Variants in TXNL1 observed in about 807,000 individuals in gnomAD.
TXNL1 encodes the protein thioredoxin like 1.
TXNL1 carries 14 observed loss-of-function variants against 35.5 expected under a neutral mutation model. The observed-to-expected ratio is 0.39, with a 90% CI of 0.26 to 0.62. The LOEUF (loss-of-function observed/expected upper bound fraction) is 0.62, where lower values mean the gene tolerates loss of function less well. TXNL1 is among the 20% of genes least tolerant of loss of function. The pLI is 0.47. For synonymous variants in TXNL1, 110 were observed against 115.5 expected, an observed-to-expected ratio of 0.95 and a Z score of 0.31; for missense variants, 263 against 349.7, an observed-to-expected ratio of 0.75 and a Z score of 1.98.
At chr18:56,622,857 A>G (rs1355227219) in intron 3 of TXNL1, among the ~76,000 whole-genome samples, 1 of 152,218 alleles carries the variant, frequency 6.6e-6, no homozygotes, top group Non-Finnish European at 1.5e-5. Flanking sequence ...CATAAACGAT[A>G]TGTTGATACT....
At chr18:56,636,327 T>G (rs2024454620) in intron 1 of TXNL1, among the ~76,000 whole-genome samples, 1 of 152,186 alleles carries the variant, frequency 6.6e-6, no homozygotes, top group African/African-American at 2.4e-5. Flanking sequence ...AACTTTGATC[T>G]AAGAGGATTC....
At chr18:56,605,887 G>A (rs1401953745) in intron 7 of TXNL1, among the ~76,000 whole-genome samples, 3 of 152,174 alleles carry the variant, frequency 2.0e-5, no homozygotes, top group Non-Finnish European at 4.4e-5. Context: ...AGTGACATAA[G>A]AAGTCAGTGA....
chr18:56,612,723 C>G (rs1249000336), intron 6 of TXNL1, among the ~76,000 whole-genome samples: 2 of 152,038 alleles, frequency 1.3e-5, no homozygotes, highest in African/African-American at 4.8e-5. Flanking sequence ...TCTGAGATGC[C>G]ACTCATTCGT....
At position 56,600,617 on chromosome 18, in the gene TXNL1, C is replaced by A. The variant is rs2023799656; in HGVS notation, c.*2410G>T. 6.8e-6 allele frequency: 1 copy of A among 147,880 alleles called. No individual in the cohort carries two copies. The highest frequency in any genetic ancestry group is 1.5e-5 in the Non-Finnish European group (1 of 67,450). The allele number at this position is 147,880 out of a possible 1,614,324, so 9.2% of individuals were successfully genotyped here. ...GGGAACAACGTGGGGCAGGTTTCAA[C>A]TCTAATTGTTACGTGGCTGCCTCCA... On this transcript the variant is annotated 3_prime_UTR_variant, in exon 8 of 8. Transcript: ENST00000217515.
In TXNL1 at chr18:56,611,095, T is replaced by C. The variant is rs1331546471; in HGVS notation, c.738A>G (p.Ile246Met). ...CTTCACCTTGATTCGACTGAACAAATATCTACCAAAAAAAAGTTTGCATTT... is the reference window on the plus strand; with the variant it reads ...CTTCACCTTGATTCGACTGAACAAACATCTACCAAAAAAAAGTTTGCATTT... ...VKFQNVNSVTIFVQSNQGEEE... is the reference protein window; with the variant it reads ...VKFQNVNSVTMFVQSNQGEEE... The change falls in exon 7 of 8, where the codon ATA becomes ATG. Residue 246 changes from isoleucine (I) to methionine (M), a missense_variant and splice_region_variant. Ile to Met is a conservative substitution (Grantham distance 10). Coordinates refer to ENST00000217515, the MANE Select transcript of TXNL1 (RefSeq NM_004786.3). 6.3e-7 allele frequency: 1 copy of C among 1,592,614 alleles called. No individual in the cohort carries two copies. The highest frequency in any genetic ancestry group is 1.2e-5 in the South Asian group (1 of 86,250).
intron 1 of TXNL1, among the ~76,000 whole-genome samples, 161 bp from the exon 2 acceptor site, chr18:56,626,618 G>A (rs1256445166): frequency 1.3e-5 from 2 of 151,670 alleles, no homozygotes; most frequent in African/African-American, 2.4e-5. Flanking sequence ...GTCTCACTCT[G>A]TCGGCCAGAG....
Position 56,610,973 on chromosome 18 carries a change from T to C in TXNL1, c.840+20A>G, listed in dbSNP as rs772412231. The C allele has an allele frequency of 4.8e-6, 7 of 1,459,998 alleles. No homozygotes were observed. Among genetic ancestry groups the C allele is most frequent in the Non-Finnish European group, 6.6e-6 (7 of 1,061,580 alleles). 90.4% of individuals were successfully genotyped at this position (1,459,998 alleles called of 1,614,324 possible). A position where few individuals can be genotyped will look rare whatever the true frequency, so the allele number is the denominator to read the frequency against. On this transcript the variant is annotated intron_variant, in intron 7 of 7. Coordinates refer to ENST00000217515, the MANE Select transcript of TXNL1 (RefSeq NM_004786.3). ...AAATTATATTTTTACTATCCCGAAG[T>C]ATCATTTAAGCAAACTTACTCGTTT...
intron 6 of TXNL1, among the ~76,000 whole-genome samples, chr18:56,612,752 T>A (rs1052734091): frequency 6.6e-6 from 1 of 152,218 alleles, no homozygotes; most frequent in Non-Finnish European, 1.5e-5. Context: ...ATTGTTTTCA[T>A]AGGCAGCCAT....
Position 56,601,227 on chromosome 18 carries a change from T to C in TXNL1, c.*1800A>G, listed in dbSNP as rs992821301. 2.6e-5 allele frequency: 4 copies of C among 152,246 alleles called. No individual in the cohort carries two copies. Among genetic ancestry groups the C allele is most frequent in the African/African-American group, 4.8e-5 (2 of 41,470 alleles). 9.4% of individuals were successfully genotyped at this position (152,246 alleles called of 1,614,324 possible). On this transcript the variant is annotated 3_prime_UTR_variant, in exon 8 of 8. Coordinates refer to ENST00000217515, the MANE Select transcript of TXNL1 (RefSeq NM_004786.3). The stretch of plus-strand genomic sequence containing the variant: ...AGATTTCCCATTAAGTGAAACGTTA[T>C]AGTTACCTATAAACGTTCATTTTTC...
intron 1 of TXNL1, among the ~76,000 whole-genome samples, chr18:56,631,083 T>A (rs1242362585): frequency 1.3e-5 from 2 of 152,080 alleles, no homozygotes; most frequent in Non-Finnish European, 2.9e-5. Context: ...TCTGCCTATG[T>A]TGCCCAGGCT....
At position 56,600,799 on chromosome 18, in the gene TXNL1, G is replaced by A. The variant is rs1193149484; in HGVS notation, c.*2228C>T. 6.6e-6 allele frequency: 1 copy of A among 152,250 alleles called. No homozygotes were observed. The highest frequency in any genetic ancestry group is 2.4e-5 in the African/African-American group (1 of 41,446). The allele number at this position is 152,250 out of a possible 1,614,324, so 9.4% of individuals were successfully genotyped here. On this transcript the variant is annotated 3_prime_UTR_variant, in exon 8 of 8. Coordinates refer to ENST00000217515, the MANE Select transcript of TXNL1 (RefSeq NM_004786.3). ...AAAAGCCTGTCGTGGGCACAAGAAT[G>A]TGGTACCTTGTGCTACTCTTGGCTT... is the stretch of plus-strand genomic sequence containing the variant.
At chr18:56,637,318 G>A (rs2024471190) in intron 1 of TXNL1, among the ~76,000 whole-genome samples, 1 of 152,254 alleles carries the variant, frequency 6.6e-6, no homozygotes, top group East Asian at 1.9e-4. Context: ...AAGAAAGTGT[G>A]TTACATAAAC....
At chr18:56,610,334 C>A (rs1474450069) in intron 7 of TXNL1, 3 of 152,220 alleles carry the variant, frequency 2.0e-5, no homozygotes, top group Admixed American at 2.0e-4. Context: ...CATTAGAAGT[C>A]GTTCCAGTAA....
intron 7 of TXNL1, chr18:56,609,552 C>T (rs964293786): frequency 1.3e-5 from 2 of 151,986 alleles, no homozygotes; most frequent in Non-Finnish European, 2.9e-5. Flanking sequence ...AGGTAAGAAA[C>T]AGGAAACTAG....
intron 3 of TXNL1, among the ~76,000 whole-genome samples, chr18:56,622,760 T>C (rs568383520): frequency 6.6e-6 from 1 of 151,960 alleles, no homozygotes; most frequent in East Asian, 1.9e-4. Flanking sequence ...CCCTTAGTAA[T>C]AAAGGGAAAA....
chr18:56,629,460 G>A lies in TXNL1; in HGVS notation c.99-3003C>T, dbSNP rs555246768. Reference sequence around the variant, plus strand: ...GGAGAATCACTTGCACCCGGGAAGCGGAGGTTGCGGTGAGCCAAGATCACA... The same window carrying A: ...GGAGAATCACTTGCACCCGGGAAGCAGAGGTTGCGGTGAGCCAAGATCACA... On this transcript the variant is annotated intron_variant, in intron 1 of 7. Coordinates refer to ENST00000217515, the MANE Select transcript of TXNL1 (RefSeq NM_004786.3). Among the ~76,000 whole-genome samples the A allele has an allele frequency of 7.2e-5, 11 of 152,268 alleles. No individual in the cohort carries two copies. The South Asian group carries it at 1.7e-3, about 23-fold the overall frequency.
At chr18:56,620,075 T>G (rs1568104390) in intron 3 of TXNL1, among the ~76,000 whole-genome samples, 1 of 152,158 alleles carries the variant, frequency 6.6e-6, no homozygotes, top group South Asian at 2.1e-4. Context: ...TTCAAGTGAT[T>G]CTCCTGCTTC....
chr18:56,623,018 T>C (rs1412572411), intron 3 of TXNL1, among the ~76,000 whole-genome samples: 1 of 130,764 alleles, frequency 7.6e-6, no homozygotes, highest in Non-Finnish European at 1.5e-5. Flanking sequence ...GAATCTCTCA[T>C]TTTTTTTTTT....
intron 7 of TXNL1, chr18:56,609,663 A>G (rs1311611897): frequency 6.6e-6 from 1 of 152,268 alleles, no homozygotes; most frequent in African/African-American, 2.4e-5. Flanking sequence ...ACTTAAAGCC[A>G]AGTCCAATGG....
Sources: gnomAD v4.1 joint callset for allele counts (sites outside exome capture counted in the v4.1 genomes callset) on GRCh38, gnomAD v4.1.1 for gene constraint, MANE v1.5 for transcripts, NCBI Gene and HGNC (gene_info 2026-07-23, HGNC 2026-07-21) for gene names.